AGPAT5: variants seen among roughly 807,000 people sequenced by gnomAD.
AGPAT5 encodes the protein 1-acyl-sn-glycerol-3-phosphate acyltransferase epsilon.
In AGPAT5, 46 loss-of-function variants were observed where a neutral mutation model predicts 45.6. The observed-to-expected ratio is 1.01, with a 90% CI of 0.80 to 1.29. The LOEUF (loss-of-function observed/expected upper bound fraction) is 1.29. AGPAT5 is among the 50% of genes most tolerant of loss of function. The probability of loss-of-function intolerance (pLI) is 0.00; values close to 1 mark genes in which losing one functional copy is unlikely to be tolerated. For missense variants in AGPAT5, 673 were observed against 450.7 expected (o/e 1.49, Z -4.47); for synonymous variants, 272 against 167.0 (o/e 1.63, Z -4.85).
chr8:6,754,312 A>C (rs143012725), intron 6 of AGPAT5, among the ~76,000 whole-genome samples: 1 of 152,224 alleles, frequency 6.6e-6, no homozygotes, highest in Non-Finnish European at 1.5e-5. Flanking sequence ...TACAGGGCTC[A>C]TGGCTATTCC....
At position 6,745,497 on chromosome 8, in the gene AGPAT5, T is replaced by C. The variant is rs908143262; in HGVS notation, c.587-2173T>C. 5.3e-5 allele frequency among the ~76,000 whole-genome samples: 8 copies of C among 152,374 alleles called. No individual in the cohort carries two copies. The East Asian group carries it at 1.5e-3, about 29-fold the overall frequency. ...TCATTTGTGTCAGTTGTCATATTTG[T>C]TAACTTTCACATAACTTTTGACATT... is the stretch of plus-strand genomic sequence containing the variant. On this transcript the variant is annotated intron_variant, in intron 5 of 7. Coordinates refer to ENST00000285518, the MANE Select transcript of AGPAT5 (RefSeq NM_018361.5).
At position 6,761,262 on chromosome 8, in the gene AGPAT5, C is replaced by T. The variant is rs1266264694; in HGVS notation, c.*3874C>T. 6.6e-6 allele frequency among the ~76,000 whole-genome samples: 1 copy of T among 151,976 alleles called. No homozygotes were observed. The highest frequency in any genetic ancestry group is 1.5e-5 in the Non-Finnish European group (1 of 68,000). On this transcript the variant is annotated 3_prime_UTR_variant, in exon 8 of 8. Coordinates refer to ENST00000285518, the MANE Select transcript of AGPAT5 (RefSeq NM_018361.5). ...GATGAAACAGATCAGTTTTTCCATC[C>T]GGATTATTATTGGTTCATGATTTTA...
chr8:6,742,181 T>A (rs1213541443), intron 5 of AGPAT5, among the ~76,000 whole-genome samples: 2 of 152,322 alleles, frequency 1.3e-5, no homozygotes, highest in East Asian at 1.9e-4. Flanking sequence ...TGAGCTTGCT[T>A]CTTCATCTCT....
chr8:6,733,731 C>T (rs187927661), intron 4 of AGPAT5, among the ~76,000 whole-genome samples: 2 of 152,158 alleles, frequency 1.3e-5, no homozygotes, highest in Non-Finnish European at 2.9e-5. Context: ...ATTTAAAAAT[C>T]ATGAATTTAT....
intron 5 of AGPAT5, 37 bp downstream of exon 5, chr8:6,741,788 C>G (rs780998745): frequency 5.4e-6 from 8 of 1,476,392 alleles, no homozygotes; most frequent in Non-Finnish European, 7.5e-6. Context: ...AAATAATTTT[C>G]AAAGATAATA....
In AGPAT5 at chr8:6,730,318, C is replaced by A. The variant is rs1280637065; in HGVS notation, c.290-393C>A. ...AATTTTAAACATCCTAATCATAGGA[C>A]TTTTTTTTTTTTTTTTTTTTTTTTT... On this transcript the variant is annotated intron_variant, in intron 2 of 7. Transcript: ENST00000285518. Among the ~76,000 whole-genome samples, 2 of 29,508 alleles carry A rather than the reference C, an allele frequency of 6.8e-5. 1 individual carries two copies. The highest frequency in any genetic ancestry group is 1.0e-4 in the Non-Finnish European group (2 of 19,200). The allele number at this position is 29,508 out of a possible 152,430, so 19.4% of individuals were successfully genotyped here. A position where few individuals can be genotyped will look rare whatever the true frequency, so the allele number is the denominator to read the frequency against.
rs566598666 is a variant in AGPAT5, at chr8:6,725,737, T to C, written c.289+798T>C. Among the ~76,000 whole-genome samples, 12 of 152,336 alleles carry C rather than the reference T, an allele frequency of 7.9e-5. No homozygotes were observed. In the South Asian group the frequency reaches 2.3e-3, roughly 29 times the overall value. ...TGATGCGTACTTCCTAAATTGCATT[T>C]TTATTACTTTAAAAAATATAATACC... On this transcript the variant is annotated intron_variant, in intron 2 of 7. Transcript: ENST00000285518.
intron 5 of AGPAT5, among the ~76,000 whole-genome samples, chr8:6,743,772 GT>G (rs201219544): frequency 0.41 from 60,379 of 147,886 alleles, 12,285 homozygotes; most frequent in Admixed American, 0.45. Context: ...CCCTATGGTG[GT>G]TTTTTTTTTT....
Position 6,741,697 on chromosome 8 carries a change from A to T in AGPAT5, c.532A>T (p.Asn178Tyr). 6.2e-7 allele frequency: 1 copy of T among 1,612,692 alleles called. No individual in the cohort carries two copies. The highest frequency in any genetic ancestry group is 8.5e-7 in the Non-Finnish European group (1 of 1,179,310). Residue 178 changes from asparagine (N) to tyrosine (Y), a missense_variant, in exon 5 of 8, where the codon AAT becomes TAT. Coordinates refer to ENST00000285518, the MANE Select transcript of AGPAT5 (RefSeq NM_018361.5). ...GATTTTTCCAGAAGGTACAAGGTATAATCCAGAGCAAACAAAAGTCCTTTC... is the reference window on the plus strand; with the variant it reads ...GATTTTTCCAGAAGGTACAAGGTATTATCCAGAGCAAACAAAAGTCCTTTC... ...LVIFPEGTRY[N>Y]PEQTKVLSAS...
At chr8:6,717,153 T>C (rs1800359905) in intron 1 of AGPAT5, among the ~76,000 whole-genome samples, 1 of 152,220 alleles carries the variant, frequency 6.6e-6, no homozygotes, top group Non-Finnish European at 1.5e-5. Flanking sequence ...TAGTTGTGAA[T>C]CAAAACCAGT....
At position 6,760,397 on chromosome 8, in the gene AGPAT5, C is replaced by T. The variant is rs1407510953; in HGVS notation, c.*3009C>T. Reference sequence around the variant, plus strand: ...TAGGTAACAGCACGAGACCCCAACTCTTAGAAAATGAAAAGGAAATATAGA... The same window carrying T: ...TAGGTAACAGCACGAGACCCCAACTTTTAGAAAATGAAAAGGAAATATAGA... On this transcript the variant is annotated 3_prime_UTR_variant, in exon 8 of 8. Transcript: ENST00000285518. Among the ~76,000 whole-genome samples the T allele has an allele frequency of 1.3e-5, 2 of 152,004 alleles. No individual in the cohort carries two copies. Among genetic ancestry groups the T allele is most frequent in the East Asian group, 1.9e-4 (1 of 5,178 alleles).
chr8:6,753,078 A>G (rs944032724), intron 6 of AGPAT5, among the ~76,000 whole-genome samples: 14 of 152,220 alleles, frequency 9.2e-5, no homozygotes, highest in Non-Finnish European at 1.6e-4. Flanking sequence ...ATCAAATGAA[A>G]TAATTAACAT....
chr8:6,739,004 AG>A (rs528467795), intron 4 of AGPAT5, among the ~76,000 whole-genome samples: 5 of 152,016 alleles, frequency 3.3e-5, no homozygotes, highest in Non-Finnish European at 7.4e-5. Flanking sequence ...ATATGGTGTA[AG>A]ATCGAAGTTC....
intron 1 of AGPAT5, among the ~76,000 whole-genome samples, chr8:6,710,218 G>A (rs1261016758): frequency 6.6e-6 from 1 of 152,050 alleles, no homozygotes; most frequent in African/African-American, 2.4e-5. Context: ...AGGATTTTTT[G>A]GTTTGGCAAG....
chr8:6,738,024 C>G (rs1427188887), intron 4 of AGPAT5, among the ~76,000 whole-genome samples: 2 of 152,184 alleles, frequency 1.3e-5, no homozygotes, highest in Non-Finnish European at 2.9e-5. Context: ...CTAGAGCACT[C>G]AAACTTTCTC....
rs1563295313 is a variant in AGPAT5 at position 6,735,848 on chromosome 8, C to CTTTTTTTTTTTTTTT, written c.495+3198_495+3199insTTTTTTTTTTTTTTT. Reference sequence around the variant, plus strand: ...GTGTTCCTGTTTATTCTTTATATAGCCTTTTTTTTTTTTTTTTTTTTTTTG... The same window carrying CTTTTTTTTTTTTTTT: ...GTGTTCCTGTTTATTCTTTATATAGCTTTTTTTTTTTTTTTCTTTTTTTTTTTTTTTTTTTTTTTG... On this transcript the variant is annotated intron_variant, in intron 4 of 7. Transcript: ENST00000285518. 1.9e-4 allele frequency among the ~76,000 whole-genome samples: 10 copies of CTTTTTTTTTTTTTTT among 53,614 alleles called. 2 individuals carry two copies. The highest frequency in any genetic ancestry group is 2.7e-4 in the Non-Finnish European group (7 of 25,736). 35.2% of individuals were successfully genotyped at this position (53,614 alleles called of 152,430 possible).
In AGPAT5 at chr8:6,747,793, A is replaced by G. The variant is rs975606963; in HGVS notation, c.710A>G (p.Asp237Gly). ...ACGGTGGTTTATGAAGGGAAAGACG[A>G]TGGAGGGCAGCGAAGAGAGTCACCG... is the stretch of plus-strand genomic sequence containing the variant. ...DVTVVYEGKD[D>G]GGQRRESPTM... The change falls in exon 6 of 8, where the codon GAT (aspartate) becomes GGT (glycine). Residue 237 changes from aspartate (D) to glycine (G), a missense_variant. Transcript: ENST00000285518. The G allele has an allele frequency of 2.5e-6, 4 of 1,614,168 alleles. No homozygotes were observed. The highest frequency in any genetic ancestry group is 4.5e-5 in the East Asian group (2 of 44,882).
At chr8:6,749,707 G>C (rs1446825578) in intron 6 of AGPAT5, among the ~76,000 whole-genome samples, 1 of 152,074 alleles carries the variant, frequency 6.6e-6, no homozygotes, top group Non-Finnish European at 1.5e-5. Context: ...TTTGAAAACA[G>C]ACAGTTCATC....
At chr8:6,747,449 A>G (rs1279405644) in intron 5 of AGPAT5, among the ~76,000 whole-genome samples, 6 of 152,388 alleles carry the variant, frequency 3.9e-5, no homozygotes, top group Middle Eastern at 6.8e-3. Flanking sequence ...TGACTTGTAC[A>G]TGTAGATATT....
Sources: gnomAD v4.1 joint callset for allele counts (sites outside exome capture counted in the v4.1 genomes callset) on GRCh38, gnomAD v4.1.1 for gene constraint, MANE v1.5 for transcripts, NCBI Gene and HGNC (gene_info 2026-07-23, HGNC 2026-07-21) for gene names.